STK3: variants seen among roughly 807,000 people sequenced by gnomAD.
STK3 encodes serine/threonine-protein kinase 3.
In STK3, 41 loss-of-function variants were observed where a neutral mutation model predicts 58.0. The ratio of observed to expected loss-of-function variants is 0.71; its 90% CI spans 0.55 to 0.92. The LOEUF (loss-of-function observed/expected upper bound fraction) is 0.92. STK3 is among the 40% of genes least tolerant of loss of function. STK3 has a pLI of 0.00. For missense variants in STK3, 479 were observed against 602.7 expected (o/e 0.79, Z 2.15); for synonymous variants, 170 against 191.0 (o/e 0.89, Z 0.91).
intron 3 of STK3, among the ~76,000 whole-genome samples, chr8:98,424,386 C>T (rs1818205731): frequency 6.6e-6 from 1 of 152,148 alleles, no homozygotes; most frequent in Admixed American, 6.5e-5. Flanking sequence ...GTTGGCACAG[C>T]TCTCTCAGCT....
At chr8:98,446,211 TTCCTAC>T (rs1310438118) in intron 1 of STK3, among the ~76,000 whole-genome samples, 1 of 152,240 alleles carries the variant, frequency 6.6e-6, no homozygotes, top group African/African-American at 2.4e-5. Flanking sequence ...ACTTCCTCTA[TTCCTAC>T]TCCTGCAGGG....
chr8:98,737,378 A>G (rs1198840391), intron 4 of STK3, among the ~76,000 whole-genome samples: 1 of 152,198 alleles, frequency 6.6e-6, no homozygotes, highest in Non-Finnish European at 1.5e-5. Context: ...GGACAAGATA[A>G]AACTCCTAAA....
chr8:98,764,856 G>C, intron 3 of STK3, among the ~76,000 whole-genome samples: 1 of 134,170 alleles, frequency 7.5e-6, no homozygotes, highest in Admixed American at 8.4e-5. Context: ...GTAAGCACTA[G>C]ATGGAACATG....
intron 4 of STK3, among the ~76,000 whole-genome samples, chr8:98,736,935 T>C (rs1026809211): frequency 1.3e-5 from 2 of 152,292 alleles, no homozygotes; most frequent in South Asian, 2.1e-4. Context: ...AAGCTTACTA[T>C]TAATGTGGTT....
chr8:98,525,469 C>G (rs1263193479), intron 10 of STK3, among the ~76,000 whole-genome samples: 1 of 150,788 alleles, frequency 6.6e-6, no homozygotes, highest in Admixed American at 6.6e-5. Flanking sequence ...CACAAGACAA[C>G]TCTTTGAGGC....
chr8:98,900,377 A>G (rs1484585775), intron 1 of STK3, among the ~76,000 whole-genome samples: 1 of 152,040 alleles, frequency 6.6e-6, no homozygotes, highest in East Asian at 1.9e-4. Flanking sequence ...CACCATGCCC[A>G]GCCTTCAGTC....
intron 1 of STK3, among the ~76,000 whole-genome samples, chr8:98,385,895 T>C (rs554941942): frequency 2.0e-5 from 3 of 152,312 alleles, no homozygotes; most frequent in Admixed American, 6.5e-5. Flanking sequence ...TTAATCTTCT[T>C]CCAGTGCCAC....
intron 1 of STK3, among the ~76,000 whole-genome samples, chr8:98,898,334 T>C (rs1477715675): frequency 6.6e-6 from 1 of 152,240 alleles, no homozygotes; most frequent in African/African-American, 2.4e-5. Context: ...CAAACTCTGT[T>C]GAGGCTTTTA....
chr8:98,854,588 A>C (rs1022775439), intron 3 of STK3, among the ~76,000 whole-genome samples: 5 of 152,216 alleles, frequency 3.3e-5, no homozygotes, highest in African/African-American at 1.2e-4. Flanking sequence ...ACTTGCAATG[A>C]TCATTTAAAA....
intron 6 of STK3, among the ~76,000 whole-genome samples, chr8:98,639,491 C>T (rs777999627): frequency 1.7e-4 from 26 of 152,182 alleles, no homozygotes; most frequent in Non-Finnish European, 1.5e-5. Flanking sequence ...ATGTGCTCTT[C>T]TTTCACTGAA....
At chr8:98,542,158 G>A (rs1037775962) in intron 9 of STK3, among the ~76,000 whole-genome samples, 8 of 152,116 alleles carry the variant, frequency 5.3e-5, no homozygotes, top group African/African-American at 1.9e-4. Flanking sequence ...CCTGTAGTAG[G>A]AGCTCAATTA....
chr8:98,647,708 T>C (rs1820508810), intron 6 of STK3, among the ~76,000 whole-genome samples: 1 of 152,122 alleles, frequency 6.6e-6, no homozygotes, highest in African/African-American at 2.4e-5. Flanking sequence ...CAGTATGCCA[T>C]GTTTCCAAGG....
chr8:98,511,925 G>T (rs1369179689), intron 10 of STK3, among the ~76,000 whole-genome samples: 2 of 152,002 alleles, frequency 1.3e-5, no homozygotes, highest in Non-Finnish European at 2.9e-5. Context: ...TTACGAAACA[G>T]AAACTGAAGT....
intron 10 of STK3, among the ~76,000 whole-genome samples, chr8:98,488,216 A>G (rs553396239): frequency 2.4e-4 from 36 of 152,348 alleles, no homozygotes; most frequent in African/African-American, 8.7e-4. Context: ...ATGGTGAAGC[A>G]TGGCTTCATC....
intron 1 of STK3, among the ~76,000 whole-genome samples, chr8:98,902,054 A>G (rs139010669): frequency 1.0e-3 from 157 of 152,194 alleles, no homozygotes; most frequent in African/African-American, 3.5e-3. Context: ...GAAACACTCT[A>G]TTCTCTTGGC....
At chr8:98,585,338 T>C (rs1814432546) in intron 7 of STK3, among the ~76,000 whole-genome samples, 3 of 152,224 alleles carry the variant, frequency 2.0e-5, no homozygotes, top group South Asian at 2.1e-4. Context: ...CCCAGCACCA[T>C]TTATTAAATA....
At chr8:98,776,473 A>G (rs1831685169) in intron 1 of STK3, among the ~76,000 whole-genome samples, 1 of 152,224 alleles carries the variant, frequency 6.6e-6, no homozygotes, top group Non-Finnish European at 1.5e-5. Context: ...ATGTGACTTC[A>G]TTAATTCAGC....
intron 1 of STK3, among the ~76,000 whole-genome samples, chr8:98,807,410 C>A (rs555656620): frequency 6.6e-6 from 1 of 152,106 alleles, no homozygotes; most frequent in East Asian, 1.9e-4. Flanking sequence ...AAGCACACTA[C>A]CATGCTCGGT....
intron 10 of STK3, among the ~76,000 whole-genome samples, chr8:98,484,996 T>C (rs1274443489): frequency 1.3e-5 from 2 of 152,178 alleles, no homozygotes; most frequent in East Asian, 3.8e-4. Flanking sequence ...TCTCAGCACT[T>C]TGGGAGGCTG....
Sources: gnomAD v4.1 joint callset for allele counts (sites outside exome capture counted in the v4.1 genomes callset) on GRCh38, gnomAD v4.1.1 for gene constraint, MANE v1.5 for transcripts, NCBI Gene and HGNC (gene_info 2026-07-23, HGNC 2026-07-21) for gene names.